CLIC5: variants seen among roughly 807,000 people sequenced by gnomAD.
CLIC5 encodes chloride intracellular channel protein 5.
A neutral mutation model predicts 24.7 loss-of-function variants in CLIC5; 20 were observed. The observed-to-expected ratio is 0.81, with a 90% CI of 0.57 to 1.18. CLIC5 has a LOEUF of 1.18. Ranked by LOEUF, CLIC5 falls within the 50% of genes most tolerant of loss-of-function variation. The pLI, the probability that CLIC5 is intolerant of heterozygous loss-of-function variation, is 0.00. For missense variants in CLIC5, 341 were observed against 326.1 expected (o/e 1.05, Z -0.35); for synonymous variants, 159 against 135.6 (o/e 1.17, Z -1.20).
intron 1 of CLIC5, among the ~76,000 whole-genome samples, chr6:46,010,698 C>T (rs145679137): frequency 7.2e-5 from 11 of 152,320 alleles, no homozygotes; most frequent in Admixed American, 2.0e-4. Flanking sequence ...ATTCCCACCA[C>T]CCTGCCATGG....
At chr6:45,924,984 A>G (rs1763422823) in intron 4 of CLIC5, among the ~76,000 whole-genome samples, 1 of 152,178 alleles carries the variant, frequency 6.6e-6, no homozygotes, top group Non-Finnish European at 1.5e-5. Context: ...CCATCCTGTG[A>G]AACAAGAATG....
intron 1 of CLIC5, among the ~76,000 whole-genome samples, chr6:46,077,548 C>T (rs1762805705): frequency 6.6e-6 from 1 of 151,932 alleles, no homozygotes; most frequent in African/African-American, 2.4e-5. Context: ...CCCTGTTTTA[C>T]TCGATTTTAT....
At chr6:46,129,590 T>G in the CLIC5 span, 3 of 152,262 alleles carry the variant, frequency 2.0e-5, no homozygotes, top group Non-Finnish European at 4.4e-5. Context: ...CCCAACTCAC[T>G]GGAACTGGCT....
chr6:46,038,688 AT>A, intron 1 of CLIC5, among the ~76,000 whole-genome samples: 1 of 152,304 alleles, frequency 6.6e-6, no homozygotes, highest in Non-Finnish European at 1.5e-5. Context: ...GTGTCTGGAG[AT>A]TCTCTCTAGC....
intron 1 of CLIC5, among the ~76,000 whole-genome samples, chr6:46,075,360 G>C (rs1762736836): frequency 6.6e-6 from 1 of 152,104 alleles, no homozygotes; most frequent in Non-Finnish European, 1.5e-5. Context: ...TTGAGCCCAG[G>C]AGTTTAAGAA....
rs867534054 is a variant in CLIC5, at chr6:45,958,475, T to A, written c.64-3231A>T. Among the ~76,000 whole-genome samples, 12 of 81,356 alleles carry A rather than the reference T, an allele frequency of 1.5e-4. No individual in the cohort carries two copies. The South Asian group carries it at 2.5e-3, about 17-fold the overall frequency. 53.4% of individuals were successfully genotyped at this position (81,356 alleles called of 152,430 possible). On this transcript the variant is annotated intron_variant, in intron 1 of 5. Coordinates refer to ENST00000339561, the MANE Select transcript of CLIC5 (RefSeq NM_016929.5). ...ATATATATATATATATATATATATA[T>A]AAACAGCTAATGGCAAACTTCCCAA...
intron 1 of CLIC5, among the ~76,000 whole-genome samples, chr6:45,964,639 G>A (rs1764959844): frequency 6.6e-6 from 1 of 152,150 alleles, no homozygotes. Context: ...GTTTTCAGAT[G>A]ACAGATTGCC....
chr6:46,115,498 CT>C, the CLIC5 span, among the ~76,000 whole-genome samples: 1 of 152,074 alleles, frequency 6.6e-6, no homozygotes, highest in East Asian at 1.9e-4. Flanking sequence ...AATTTTTTCC[CT>C]TTTTTCAGCT....
intron 1 of CLIC5, among the ~76,000 whole-genome samples, chr6:45,969,466 C>T (rs996509725): frequency 7.0e-6 from 1 of 142,384 alleles, no homozygotes; most frequent in Non-Finnish European, 1.5e-5. Context: ...CCCTCCTGCT[C>T]TATCCAACTC....
At chr6:45,947,306 C>A (rs866776684) in intron 3 of CLIC5, among the ~76,000 whole-genome samples, 5 of 152,104 alleles carry the variant, frequency 3.3e-5, no homozygotes, top group Admixed American at 3.3e-4. Flanking sequence ...GGGAACCTGG[C>A]TAAAGGGCAT....
chr6:45,886,235 C>A (rs1262138175), intron 6 of CLIC5, among the ~76,000 whole-genome samples: 1 of 152,116 alleles, frequency 6.6e-6, no homozygotes, highest in Admixed American at 6.5e-5. Flanking sequence ...TGAAAAACTC[C>A]CCAGGGTGCA....
At chr6:46,006,729 A>G (rs963788028) in intron 1 of CLIC5, among the ~76,000 whole-genome samples, 2 of 143,796 alleles carry the variant, frequency 1.4e-5, no homozygotes, top group Non-Finnish European at 1.5e-5. Context: ...AGGCTGGAGT[A>G]CAGTGGTGCA....
chr6:45,891,574 T>TA, intron 6 of CLIC5, among the ~76,000 whole-genome samples: 1 of 150,710 alleles, frequency 6.6e-6, no homozygotes, highest in African/African-American at 2.4e-5. Context: ...AGGCAGAGGT[T>TA]CAGTGAGGCG....
intron 1 of CLIC5, among the ~76,000 whole-genome samples, chr6:46,055,879 T>A (rs1170215908): frequency 6.6e-6 from 1 of 152,134 alleles, no homozygotes; most frequent in Admixed American, 6.5e-5. Context: ...GTACCTAGAG[T>A]AGCCAAACAC....
intron 1 of CLIC5, among the ~76,000 whole-genome samples, chr6:46,055,314 G>C (rs1768216370): frequency 6.6e-6 from 1 of 152,188 alleles, no homozygotes. Flanking sequence ...CGTTGGCCAG[G>C]CTGGCTTGGA....
intron 1 of CLIC5, among the ~76,000 whole-genome samples, chr6:45,984,357 C>T (rs1765662851): frequency 6.6e-6 from 1 of 152,138 alleles, no homozygotes; most frequent in Admixed American, 6.5e-5. Flanking sequence ...TCCCTGGACT[C>T]ACCATGTTGG....
downstream of CLIC5, chr6:45,880,921 TCAAGAGCTAGA>T (rs1762257162): frequency 5.2e-6 from 2 of 386,222 alleles, no homozygotes; most frequent in Non-Finnish European, 9.1e-6. Flanking sequence ...CGGTGACATT[TCAAGAGCTAGA>T]CATGAACTGC....
At chr6:45,958,439 T>TACACACACACACACACACACACACACAC (rs1764727891) in intron 1 of CLIC5, among the ~76,000 whole-genome samples, 2 of 12,392 alleles carry the variant, frequency 1.6e-4, no homozygotes, top group East Asian at 1.1e-3. Context: ...TATATATATA[T>TACACACACACACACACACACACACACAC]ATATATATAT....
chr6:46,056,036 A>C (rs1278795079), intron 1 of CLIC5, among the ~76,000 whole-genome samples: 1 of 152,232 alleles, frequency 6.6e-6, no homozygotes, highest in Admixed American at 6.5e-5. Context: ...GTCTGAGTAC[A>C]TTTGATGCCA....
Sources: gnomAD v4.1 joint callset for allele counts (sites outside exome capture counted in the v4.1 genomes callset) on GRCh38, gnomAD v4.1.1 for gene constraint, MANE v1.5 for transcripts, NCBI Gene and HGNC (gene_info 2026-07-23, HGNC 2026-07-21) for gene names.